The following HHLA1 variants were observed in gnomAD, a reference collection of about 807,000 sequenced individuals.
HHLA1 encodes the protein HERV-H LTR-associating protein 1.
Under a neutral mutation model 69.9 loss-of-function variants are expected in HHLA1, and 72 were observed. That is an observed-to-expected ratio of 1.03 (90% CI 0.85 to 1.25). The LOEUF is 1.25. Ranked by LOEUF, HHLA1 falls within the 50% of genes most tolerant of loss-of-function variation. The pLI is 0.00. For missense variants in HHLA1, 685 were observed against 642.2 expected, an observed-to-expected ratio of 1.07 and a Z score of -0.72; for synonymous variants, 252 against 233.2, an observed-to-expected ratio of 1.08 and a Z score of -0.73.
chr8:132,088,245 C>T (rs998682468), intron 8 of HHLA1, among the ~76,000 whole-genome samples: 7 of 152,198 alleles, frequency 4.6e-5, no homozygotes, highest in African/African-American at 1.7e-4. Context: ...CACAATCCCT[C>T]ATTTGTAATT....
At chr8:132,102,802 T>A (rs1586736006) in intron 3 of HHLA1, among the ~76,000 whole-genome samples, 1 of 6,846 alleles carries the variant, frequency 1.5e-4, no homozygotes, top group East Asian at 7.7e-4. Context: ...ATTTTTTTTT[T>A]TTTTTTTTTT....
intron 6 of HHLA1, 25 bp downstream of exon 6, chr8:132,095,678 T>A: frequency 6.5e-7 from 1 of 1,545,172 alleles, no homozygotes; most frequent in Non-Finnish European, 8.8e-7. Context: ...ACCACCACCA[T>A]CAAGAAGAGC....
rs914946889 is a variant in HHLA1 at position 132,097,121 on chromosome 8, CAT to C, written c.281-1337_281-1336del. 3.9e-4 allele frequency among the ~76,000 whole-genome samples: 60 copies of C among 152,176 alleles called. 1 individual carries two copies. Among genetic ancestry groups the C allele is most frequent in the Non-Finnish European group, 1.0e-4 (7 of 68,032 alleles). On this transcript the variant is annotated intron_variant, in intron 5 of 16. Transcript: ENST00000414222. ...TATTGCCCTCTGGAGACCCCAATGCCATACACTGAGCGGGAACCAGACTCTGT... is the reference window on the plus strand; with the variant it reads ...TATTGCCCTCTGGAGACCCCAATGCCACACTGAGCGGGAACCAGACTCTGT...
At chr8:132,105,354 G>T in intron 1 of HHLA1, 68 bp from the exon 2 acceptor site, 1 of 983,256 alleles carries the variant, frequency 1.0e-6, no homozygotes, top group Non-Finnish European at 1.6e-6. Flanking sequence ...TGAGAACAGT[G>T]CGTGAGGAAT....
Position 132,087,740 on chromosome 8 carries a change from C to G in HHLA1, c.590-1G>C. The G allele has an allele frequency of 1.3e-6, 2 of 1,550,526 alleles. No homozygotes were observed. Among genetic ancestry groups the G allele is most frequent in the South Asian group, 2.4e-5 (2 of 84,016 alleles). On this transcript the variant is annotated splice_acceptor_variant, in intron 9 of 16. Transcript: ENST00000414222. LOFTEE classifies it high-confidence loss of function. The stretch of plus-strand genomic sequence containing the variant: ...TCCCAGAAGTCAGAAAGATTCCTTC[C>G]TGCAAAAATCACACCAACAGGGTCA...
intron 7 of HHLA1, among the ~76,000 whole-genome samples, chr8:132,094,665 C>T (rs10956632): frequency 0.87 from 132,149 of 152,112 alleles, 58,267 homozygotes; most frequent in Middle Eastern, 0.95. Flanking sequence ...ACTTTTCCCT[C>T]CGGCTTTCCC....
intron 10 of HHLA1, among the ~76,000 whole-genome samples, chr8:132,081,487 G>A (rs927968734): frequency 3.3e-5 from 5 of 152,308 alleles, no homozygotes; most frequent in Admixed American, 3.3e-4. Context: ...AGGACCGTAA[G>A]GGATATAAAG....
intron 4 of HHLA1, among the ~76,000 whole-genome samples, chr8:132,099,853 TAA>T (rs879922629): frequency 4.2e-5 from 6 of 141,634 alleles, no homozygotes; most frequent in Admixed American, 7.1e-5. Context: ...AAACTCCATC[TAA>T]AAAAAAAAAA....
At chr8:132,098,728 G>A (rs1367675890) in intron 5 of HHLA1, among the ~76,000 whole-genome samples, 154 bp downstream of exon 5, 3 of 151,824 alleles carry the variant, frequency 2.0e-5, no homozygotes, top group East Asian at 1.9e-4. Context: ...GATTACAGGC[G>A]TGAGACACTG....
chr8:132,092,690 T>A (rs1337155170), intron 7 of HHLA1, among the ~76,000 whole-genome samples: 1 of 152,220 alleles, frequency 6.6e-6, no homozygotes, highest in Non-Finnish European at 1.5e-5. Flanking sequence ...GCAGAAGCAC[T>A]CATGCTTCCT....
At chr8:132,075,091 A>T (rs1823612768) in intron 14 of HHLA1, among the ~76,000 whole-genome samples, 1 of 152,076 alleles carries the variant, frequency 6.6e-6, no homozygotes, top group African/African-American at 2.4e-5. Context: ...TTTCTTTAGA[A>T]CTCCTGGGAG....
Position 132,061,884 on chromosome 8 carries a change from T to A in HHLA1, c.*2111A>T, listed in dbSNP as rs988852120. ...CTTGATGCTAGGCCAGATCCTTGCA[T>A]AAGCCTCAGAGGTATTCCGCATTTG... On this transcript the variant is annotated 3_prime_UTR_variant, in exon 17 of 17. Transcript: ENST00000414222. The A allele has an allele frequency of 3.0e-4, 46 of 152,238 alleles. No individual in the cohort carries two copies. Among genetic ancestry groups the A allele is most frequent in the African/African-American group, 1.1e-3 (46 of 41,462 alleles). 9.4% of individuals were successfully genotyped at this position (152,238 alleles called of 1,614,324 possible).
At chr8:132,102,051 G>C (rs1824119151) in intron 3 of HHLA1, among the ~76,000 whole-genome samples, 3 of 152,134 alleles carry the variant, frequency 2.0e-5, no homozygotes, top group Admixed American at 6.5e-5. Flanking sequence ...CTGCTTCTGT[G>C]AGTTTGACTA....
chr8:132,099,122 G>T (rs75536817), intron 4 of HHLA1, among the ~76,000 whole-genome samples, 160 bp from the exon 5 acceptor site: 2 of 152,104 alleles, frequency 1.3e-5, no homozygotes, highest in Non-Finnish European at 2.9e-5. Context: ...TTAAGAGGAG[G>T]GTCTCGACCT....
rs1322405866 is a variant in HHLA1, at chr8:132,076,114, T to TA, written c.1255_1256insT (p.Glu419ValfsTer8). On this transcript the variant is annotated frameshift_variant, in exon 14 of 17. Coordinates refer to ENST00000414222, the MANE Select transcript of HHLA1 (RefSeq NM_001145095.3). LOFTEE classifies it high-confidence loss of function. ...CTCTTCACCAGCAGTGAATGGCCACTCTGCAGAGAGATCACCTGCAAAGGG... is the reference window on the plus strand; with the variant it reads ...CTCTTCACCAGCAGTGAATGGCCACTACTGCAGAGAGATCACCTGCAAAGGG... 6.4e-7 allele frequency: 1 copy of TA among 1,551,266 alleles called. No homozygotes were observed. The highest frequency in any genetic ancestry group is 8.7e-7 in the Non-Finnish European group (1 of 1,146,886).
intron 10 of HHLA1, among the ~76,000 whole-genome samples, chr8:132,081,390 T>G (rs562110687): frequency 6.6e-6 from 1 of 152,154 alleles, no homozygotes; most frequent in Non-Finnish European, 1.5e-5. Flanking sequence ...GTAAAAGTAT[T>G]GTCCAGTCCT....
intron 5 of HHLA1, among the ~76,000 whole-genome samples, chr8:132,097,486 G>C (rs1416576591): frequency 6.6e-6 from 1 of 152,208 alleles, no homozygotes; most frequent in Non-Finnish European, 1.5e-5. Context: ...CCACGTGGAG[G>C]TTATACAAGG....
At chr8:132,081,456 T>A (rs1823751427) in intron 10 of HHLA1, among the ~76,000 whole-genome samples, 2 of 152,162 alleles carry the variant, frequency 1.3e-5, no homozygotes, top group Admixed American at 1.3e-4. Context: ...CTTTAGTCCA[T>A]TCTACTTTTC....
chr8:132,092,687 C>CA (rs1315827192), intron 7 of HHLA1, among the ~76,000 whole-genome samples: 3 of 152,208 alleles, frequency 2.0e-5, no homozygotes, highest in African/African-American at 7.2e-5. Context: ...TGAGCAGAAG[C>CA]ACTCATGCTT....
Sources: allele counts gnomAD v4.1 joint callset (sites outside exome capture counted in the v4.1 genomes callset), GRCh38; gene constraint gnomAD v4.1.1; transcripts MANE v1.5; gene names NCBI Gene and HGNC (gene_info 2026-07-23, HGNC 2026-07-21).